The following CHSY1 variants were observed in gnomAD, a reference collection of about 807,000 sequenced individuals.
The protein encoded by CHSY1 is N-acetylgalactosaminyl-proteoglycan 3-beta-glucuronosyltransferase 1.
Under a neutral mutation model 59.8 loss-of-function variants are expected in CHSY1, and 13 were observed. The observed-to-expected ratio is 0.22, with a 90% confidence interval of 0.14 to 0.35. The LOEUF (loss-of-function observed/expected upper bound fraction) is 0.35, where lower values mean the gene tolerates loss of function less well. Ranked by LOEUF, CHSY1 falls within the 10% of genes least tolerant of loss-of-function variation. The probability of loss-of-function intolerance (pLI) is 1.00; values close to 1 mark genes in which losing one functional copy is unlikely to be tolerated. For synonymous variants in CHSY1, 459 were observed against 401.2 expected (o/e 1.14, Z -1.72); for missense variants, 947 against 1,030.6 (o/e 0.92, Z 1.11).
intron 2 of CHSY1, among the ~76,000 whole-genome samples, chr15:101,228,948 GACA>G (rs1223626282): frequency 6.6e-6 from 1 of 152,092 alleles, no homozygotes; most frequent in East Asian, 1.9e-4. Flanking sequence ...TAATTTATTT[GACA>G]ACAACAGCAC....
chr15:101,207,738 G>C (rs891242726), intron 2 of CHSY1, among the ~76,000 whole-genome samples: 1 of 152,184 alleles, frequency 6.6e-6, no homozygotes, highest in Non-Finnish European at 1.5e-5. Context: ...CTGAGAATGA[G>C]GGCTGCGTTG....
Position 101,178,421 on chromosome 15 carries a change from T to C in CHSY1, c.1376A>G (p.Lys459Arg). Residue 459 changes from lysine (K) to arginine (R), a missense_variant, in exon 3 of 3, where the codon AAA (lysine) becomes AGA (arginine). Physicochemically the swap from Lys to Arg is conservative, Grantham distance 26. Coordinates refer to ENST00000254190, the MANE Select transcript of CHSY1 (RefSeq NM_014918.5). ...LDLLLLYKKH[K>R]GKKMTVPVRR... is the part of the protein sequence containing the mutation. ...CACAGGGACCGTCATTTTCTTCCCT[T>C]TGTGCTTTTTGTACAGAAGCAGCAG... 6.2e-7 allele frequency: 1 copy of C among 1,613,860 alleles called. No homozygotes were observed. Among genetic ancestry groups the C allele is most frequent in the Non-Finnish European group, 8.5e-7 (1 of 1,179,736 alleles).
intron 2 of CHSY1, among the ~76,000 whole-genome samples, chr15:101,209,951 C>G (rs58443133): frequency 0.011 from 1,662 of 152,246 alleles, 28 homozygotes; most frequent in African/African-American, 0.037. Context: ...GTAATGAAGA[C>G]TCTTTGAGGT....
At chr15:101,198,506 C>G (rs961286635) in intron 2 of CHSY1, among the ~76,000 whole-genome samples, 1 of 152,220 alleles carries the variant, frequency 6.6e-6, no homozygotes, top group Non-Finnish European at 1.5e-5. Flanking sequence ...TTTTCAGAGT[C>G]ACCGCTCACA....
At chr15:101,239,543 C>A (rs1300864747) in intron 1 of CHSY1, among the ~76,000 whole-genome samples, 1 of 152,200 alleles carries the variant, frequency 6.6e-6, no homozygotes, top group African/African-American at 2.4e-5. Context: ...AATGAGCTCT[C>A]TGTAAACAGC....
chr15:101,181,203 T>C (rs2038274403), intron 2 of CHSY1, among the ~76,000 whole-genome samples: 4 of 152,084 alleles, frequency 2.6e-5, no homozygotes, highest in Admixed American at 2.6e-4. Context: ...GAGGATCTCA[T>C]GGTAAGGAAG....
intron 2 of CHSY1, among the ~76,000 whole-genome samples, chr15:101,229,017 T>C (rs2038868260): frequency 6.6e-6 from 1 of 152,200 alleles, no homozygotes; most frequent in Admixed American, 6.5e-5. Context: ...ACTACTGTTA[T>C]TAAGTTGGTA....
At chr15:101,251,101 G>C (rs1458519558) in intron 1 of CHSY1, 36 bp downstream of exon 1, 6 of 1,538,444 alleles carry the variant, frequency 3.9e-6, no homozygotes, top group East Asian at 2.4e-5. Flanking sequence ...CGGGATGCCG[G>C]ACGCAGGAGG....
rs1156457555 is a variant in CHSY1, at chr15:101,178,105, G to T, written c.1692C>A (p.Asn564Lys). 2 of 1,614,090 alleles carry T rather than the reference G, an allele frequency of 1.2e-6. No individual in the cohort carries two copies. Among genetic ancestry groups the T allele is most frequent in the African/African-American group, 2.7e-5 (2 of 74,944 alleles). ...TGAAAAGCAGAACCACGAGCTTGAC[G>T]TTCTGATTGGGGATAAGACACGTCT... ...FEKTCLIPNQ[N>K]VKLVVLLFNS... The change falls in exon 3 of 3, where the codon AAC becomes AAA. Residue 564 changes from asparagine to lysine, a missense_variant. Asn to Lys is a moderately conservative substitution (Grantham distance 94). Around this residue, in one of 4 missense-constraint regions of CHSY1, gnomAD observed 602 missense variants for 676.9 expected, o/e 0.89. Transcript: ENST00000254190.
chr15:101,180,109 G>A (rs1392470570), intron 2 of CHSY1, among the ~76,000 whole-genome samples: 1 of 152,156 alleles, frequency 6.6e-6, no homozygotes, highest in Non-Finnish European at 1.5e-5. Context: ...ACAATCATAT[G>A]CTGACTCTTT....
At chr15:101,237,137 T>C (rs8041862) in intron 1 of CHSY1, among the ~76,000 whole-genome samples, 47,811 of 148,714 alleles carry the variant, frequency 0.32, 10,691 homozygotes, top group African/African-American at 0.65. Flanking sequence ...GGCAGAAGAA[T>C]TGCTTGAACC....
intron 2 of CHSY1, among the ~76,000 whole-genome samples, chr15:101,224,649 G>A (rs1216947862): frequency 6.6e-6 from 1 of 152,124 alleles, no homozygotes; most frequent in Non-Finnish European, 1.5e-5. Context: ...TCTTGCAGAC[G>A]GTCTGCCTCT....
intron 2 of CHSY1, among the ~76,000 whole-genome samples, chr15:101,224,957 G>A (rs993088036): frequency 2.2e-4 from 33 of 152,328 alleles, no homozygotes; most frequent in African/African-American, 6.3e-4. Flanking sequence ...GGATGCCTTC[G>A]TGATTGGTTG....
chr15:101,195,887 A>T (rs2038501025), intron 2 of CHSY1, among the ~76,000 whole-genome samples: 1 of 151,698 alleles, frequency 6.6e-6, no homozygotes, highest in Admixed American at 6.6e-5. Context: ...TATCAAATAG[A>T]TTCAAATTCC....
intron 2 of CHSY1, among the ~76,000 whole-genome samples, chr15:101,207,456 A>G (rs948532883): frequency 2.0e-5 from 3 of 152,160 alleles, no homozygotes; most frequent in African/African-American, 4.8e-5. Context: ...GTTATATAAT[A>G]TTTCATTTCA....
At chr15:101,198,399 G>A (rs909137767) in intron 2 of CHSY1, among the ~76,000 whole-genome samples, 4 of 152,128 alleles carry the variant, frequency 2.6e-5, no homozygotes, top group African/African-American at 9.7e-5. Context: ...GCGTCCTCTC[G>A]GGTGTCTGTG....
intron 2 of CHSY1, among the ~76,000 whole-genome samples, chr15:101,207,203 C>G (rs892474602): frequency 5.9e-5 from 9 of 152,158 alleles, no homozygotes; most frequent in African/African-American, 1.9e-4. Flanking sequence ...GAAAAATAAG[C>G]CACTCACTAT....
intron 2 of CHSY1, among the ~76,000 whole-genome samples, chr15:101,215,139 G>A (rs1051225149): frequency 2.0e-5 from 3 of 152,154 alleles, no homozygotes; most frequent in African/African-American, 7.2e-5. Flanking sequence ...TGTACTGCCT[G>A]CAGAACCATG....
chr15:101,251,433 G>A lies in CHSY1; in HGVS notation c.24C>T (p.Ala8=). ...CGAGCCCGAGCAGCACGCTGAGCCA[G>A]GCGCGCCGGCCGCGCGCGGCCATGC... MAARGRR[A]WLSVLLGLVL... is the part of the protein sequence containing the mutation. The change falls in exon 1 of 3, where the codon GCC becomes GCT. Residue 8 remains alanine, a synonymous_variant. Transcript: ENST00000254190. The A allele has an allele frequency of 9.2e-7, 1 of 1,085,116 alleles. No individual in the cohort carries two copies. Among genetic ancestry groups the A allele is most frequent in the Non-Finnish European group, 1.1e-6 (1 of 883,366 alleles). 67.2% of individuals were successfully genotyped at this position (1,085,116 alleles called of 1,614,324 possible). A position where few individuals can be genotyped will look rare whatever the true frequency, so the allele number is the denominator to read the frequency against.
Sources: gnomAD v4.1 joint callset for allele counts (sites outside exome capture counted in the v4.1 genomes callset) on GRCh38, gnomAD v4.1.1 for gene constraint, gnomAD v4.1.1 regional missense constraint, MANE v1.5 for transcripts, NCBI Gene and HGNC (gene_info 2026-07-23, HGNC 2026-07-21) for gene names.